NRXN3: variants seen among roughly 807,000 people sequenced by gnomAD.
NRXN3 encodes neurexin 3, also known as neurexin III.
Under a neutral mutation model 137.6 loss-of-function variants are expected in NRXN3, and 32 were observed. The ratio of observed to expected loss-of-function variants is 0.23; its 90% confidence interval spans 0.18 to 0.31. The LOEUF is 0.31. NRXN3 is among the 10% of genes least tolerant of loss of function. NRXN3 has a pLI of 1.00. For missense variants in NRXN3, 1,574 were observed against 2,062.5 expected (o/e 0.76, Z 4.59); for synonymous variants, 798 against 784.5 (o/e 1.02, Z -0.29).
intron 15 of NRXN3, among the ~76,000 whole-genome samples, chr14:79,075,971 C>A (rs2045900882): frequency 1.3e-5 from 2 of 152,174 alleles, no homozygotes; most frequent in Non-Finnish European, 2.9e-5. Context: ...ACTTGGTCTG[C>A]AGAGCCTTTT....
At chr14:78,888,795 A>T (rs1176430603) in intron 10 of NRXN3, among the ~76,000 whole-genome samples, 1 of 151,168 alleles carries the variant, frequency 6.6e-6, no homozygotes, top group Non-Finnish European at 1.5e-5. Flanking sequence ...ACTGATGCAG[A>T]TGACAGATAC....
chr14:79,355,624 G>A (rs2093396643), intron 15 of NRXN3, among the ~76,000 whole-genome samples: 1 of 152,136 alleles, frequency 6.6e-6, no homozygotes, highest in African/African-American at 2.4e-5. Flanking sequence ...TATTCTTACA[G>A]CTTTTATTGA....
At chr14:78,740,321 C>A (rs767980424) in intron 8 of NRXN3, among the ~76,000 whole-genome samples, 2 of 151,968 alleles carry the variant, frequency 1.3e-5, no homozygotes, top group East Asian at 1.9e-4. Context: ...GCTTACAGAC[C>A]CAGAGAAACC....
At chr14:78,820,915 G>A (rs1030529831) in intron 10 of NRXN3, among the ~76,000 whole-genome samples, 3 of 152,162 alleles carry the variant, frequency 2.0e-5, no homozygotes, top group Non-Finnish European at 4.4e-5. Flanking sequence ...GCCTGCTGGG[G>A]CACATTTCTT....
In NRXN3 at chr14:78,854,046, ACTAT is replaced by A. The variant is rs150752221; in HGVS notation, c.2275+43707_2275+43710del. Among the ~76,000 whole-genome samples the A allele has an allele frequency of 6.7e-3, 1,028 of 152,302 alleles. 3 individuals are homozygous for A. Among genetic ancestry groups the A allele is most frequent in the Non-Finnish European group, 0.011 (765 of 68,024 alleles). On this transcript the variant is annotated intron_variant, in intron 10 of 20. Coordinates refer to ENST00000335750, the MANE Select transcript of NRXN3 (RefSeq NM_001330195.2). Reference sequence around the variant, plus strand: ...CTCTGAAATCACTGTCATATCTGTAACTATCTATTGTACAGTCCATATGGCAACC... The same window carrying A: ...CTCTGAAATCACTGTCATATCTGTAACTATTGTACAGTCCATATGGCAACC...
intron 8 of NRXN3, among the ~76,000 whole-genome samples, chr14:78,740,346 G>A (rs17108178): frequency 0.079 from 11,895 of 149,974 alleles, 1,299 homozygotes; most frequent in African/African-American, 0.25. Flanking sequence ...TTCTTTTCTC[G>A]TAACAGTTAA....
rs540508037 is a variant in NRXN3, at chr14:78,255,991, T to C, written c.709+12189T>C. On this transcript the variant is annotated intron_variant, in intron 2 of 20. Coordinates refer to ENST00000335750, the MANE Select transcript of NRXN3 (RefSeq NM_001330195.2). ...TTTCTTTTAATGGGAAAAGTGTCAGTTTTATTGTGGGACAGTTTTTGTTGA... is the reference window on the plus strand; with the variant it reads ...TTTCTTTTAATGGGAAAAGTGTCAGCTTTATTGTGGGACAGTTTTTGTTGA... Among the ~76,000 whole-genome samples the C allele has an allele frequency of 1.1e-3, 171 of 152,292 alleles. 1 individual carries two copies. The highest frequency in any genetic ancestry group is 3.9e-3 in the African/African-American group (162 of 41,562).
chr14:78,396,367 A>G (rs749287359), intron 4 of NRXN3, among the ~76,000 whole-genome samples: 54 of 152,198 alleles, frequency 3.5e-4, no homozygotes, highest in Non-Finnish European at 6.2e-4. Context: ...ATCATCAGAC[A>G]GAATTTAGAA....
chr14:78,323,095 G>GTT, intron 4 of NRXN3, among the ~76,000 whole-genome samples: 1 of 152,158 alleles, frequency 6.6e-6, no homozygotes, highest in Middle Eastern at 3.4e-3. Flanking sequence ...ATTTCACAGG[G>GTT]TTTAACACAA....
chr14:78,601,176 C>A (rs570861627), intron 4 of NRXN3, among the ~76,000 whole-genome samples: 8 of 152,062 alleles, frequency 5.3e-5, no homozygotes, highest in African/African-American at 1.4e-4. Flanking sequence ...TTGTGGATAA[C>A]CTTCCAACAC....
chr14:79,350,816 C>T lies in NRXN3; in HGVS notation c.3263-116405C>T, dbSNP rs1026800895. Among the ~76,000 whole-genome samples, 6 of 152,146 alleles carry T rather than the reference C, an allele frequency of 3.9e-5. 1 individual carries two copies. The South Asian group carries it at 8.3e-4, about 21-fold the overall frequency. ...GCCATTTCAGGCCTTTTATGCAGTC[C>T]TACTGCAACCCAGAACTCCTTCTAG... is the stretch of plus-strand genomic sequence containing the variant. On this transcript the variant is annotated intron_variant, in intron 15 of 20. Coordinates refer to ENST00000335750, the MANE Select transcript of NRXN3 (RefSeq NM_001330195.2).
intron 15 of NRXN3, among the ~76,000 whole-genome samples, chr14:79,331,034 AT>A (rs958417065): frequency 4.6e-5 from 7 of 152,106 alleles, no homozygotes; most frequent in African/African-American, 1.4e-4. Context: ...CATACCTTCA[AT>A]TTTACCCTAG....
At chr14:78,832,997 C>T (rs2098986717) in intron 10 of NRXN3, among the ~76,000 whole-genome samples, 1 of 152,170 alleles carries the variant, frequency 6.6e-6, no homozygotes, top group Non-Finnish European at 1.5e-5. Flanking sequence ...CCGGGGAAGA[C>T]ATAAGCTATT....
intron 19 of NRXN3, among the ~76,000 whole-genome samples, chr14:79,778,880 T>C (rs944567141): frequency 1.3e-5 from 2 of 152,186 alleles, no homozygotes; most frequent in African/African-American, 4.8e-5. Flanking sequence ...CACTGTAATA[T>C]AGTGGTGAAG....
chr14:78,792,257 C>CAAAAAAAAA (rs140968788), intron 8 of NRXN3, among the ~76,000 whole-genome samples: 3 of 19,456 alleles, frequency 1.5e-4, no homozygotes, highest in African/African-American at 5.5e-4. Context: ...AGACTAAAGG[C>CAAAAAAAAA]AAAAAAAAAA....
chr14:78,369,256 C>T (rs1484558370), intron 4 of NRXN3, among the ~76,000 whole-genome samples: 1 of 150,902 alleles, frequency 6.6e-6, no homozygotes, highest in Non-Finnish European at 1.5e-5. Flanking sequence ...ATACCAGATG[C>T]AGTAGTGCTT....
chr14:79,398,404 C>T (rs1375877147), intron 15 of NRXN3, among the ~76,000 whole-genome samples: 5 of 152,080 alleles, frequency 3.3e-5, no homozygotes, highest in Non-Finnish European at 5.9e-5. Flanking sequence ...AAAAATGAAA[C>T]CATTTGAACA....
intron 19 of NRXN3, among the ~76,000 whole-genome samples, chr14:79,792,010 A>G (rs2099146912): frequency 6.6e-6 from 1 of 152,196 alleles, no homozygotes; most frequent in African/African-American, 2.4e-5. Flanking sequence ...GTGCTATGCC[A>G]CACTTCTCAC....
chr14:78,363,037 C>T (rs2085368150), intron 4 of NRXN3, among the ~76,000 whole-genome samples: 1 of 152,190 alleles, frequency 6.6e-6, no homozygotes, highest in South Asian at 2.1e-4. Flanking sequence ...GTCAATCTGC[C>T]AGGCCTCCTG....
Sources: gnomAD v4.1 joint callset for allele counts (sites outside exome capture counted in the v4.1 genomes callset) on GRCh38, gnomAD v4.1.1 for gene constraint, MANE v1.5 for transcripts, NCBI Gene and HGNC (gene_info 2026-07-23, HGNC 2026-07-21) for gene names.